BTBD1: variants seen among roughly 807,000 people sequenced by gnomAD.
BTBD1 encodes the protein BTB/POZ domain-containing protein 1.
BTBD1 carries 34 observed loss-of-function variants against 48.0 expected under a neutral mutation model. The ratio of observed to expected loss-of-function variants is 0.71; its 90% CI spans 0.54 to 0.94. The LOEUF is 0.94. Among genes scored for constraint, BTBD1 ranks in the 40% least tolerant of loss-of-function variants. BTBD1 has a pLI of 0.00. For missense variants in BTBD1, 543 were observed against 625.6 expected (o/e 0.87, Z 1.41); for synonymous variants, 261 against 242.1 (o/e 1.08, Z -0.72).
intron 2 of BTBD1, among the ~76,000 whole-genome samples, chr15:83,050,528 G>A (rs1457702866): frequency 6.6e-6 from 1 of 150,880 alleles, no homozygotes; most frequent in African/African-American, 2.4e-5. Context: ...GTTAGATAAG[G>A]CTTACATTAT....
chr15:83,036,473 A>G (rs745759100), intron 4 of BTBD1, among the ~76,000 whole-genome samples: 9 of 152,214 alleles, frequency 5.9e-5, no homozygotes, highest in Admixed American at 2.6e-4. Flanking sequence ...CACTTTGTTG[A>G]TGAGTGTAAA....
intron 5 of BTBD1, among the ~76,000 whole-genome samples, chr15:83,023,145 A>AAT (rs932033621): frequency 6.6e-6 from 1 of 151,962 alleles, no homozygotes; most frequent in South Asian, 2.1e-4. Flanking sequence ...ATCATATCAG[A>AAT]ATATATATAT....
rs544691434 is a variant in BTBD1 at position 83,067,084 on chromosome 15, G to A, written c.68C>T (p.Ala23Val). The A allele has an allele frequency of 2.6e-6, 4 of 1,528,674 alleles. No homozygotes were observed. Among genetic ancestry groups the A allele is most frequent in the Admixed American group, 4.4e-5 (2 of 44,980 alleles). 94.7% of individuals were successfully genotyped at this position (1,528,674 alleles called of 1,614,324 possible). Residue 23 changes from alanine (A) to valine (V), a missense_variant, in exon 1 of 8, where the codon GCG becomes GTG. Physicochemically the swap from Ala to Val is moderately conservative, Grantham distance 64 (BLOSUM62 0). This residue lies in a region of BTBD1 where 173 missense variants were observed against 163.9 expected (regional missense o/e 1.06). Coordinates refer to ENST00000261721, the MANE Select transcript of BTBD1 (RefSeq NM_025238.4). ...ASGAEAEPGP[A>V]GPPPPPSPSS... is the part of the protein sequence containing the mutation. ...CGGTGAGGGCGGCGGCGGCGGCCCC[G>A]CGGGGCCCGGCTCCGCCTCAGCCCC...
chr15:83,016,609 T>C lies in BTBD1; in HGVS notation c.*1458A>G, dbSNP rs2032171411. ...ACTAACTCATCTCTGGCATATCATA[T>C]TTTTTAAGGCAGAAGTATTTTCTGT... On this transcript the variant is annotated 3_prime_UTR_variant, in exon 8 of 8. Coordinates refer to ENST00000261721, the MANE Select transcript of BTBD1 (RefSeq NM_025238.4). The C allele has an allele frequency of 6.6e-6, 1 of 152,124 alleles. No individual in the cohort carries two copies. The highest frequency in any genetic ancestry group is 2.4e-5 in the African/African-American group (1 of 41,436). The allele number at this position is 152,124 out of a possible 1,614,324, so 9.4% of individuals were successfully genotyped here.
intron 1 of BTBD1, among the ~76,000 whole-genome samples, chr15:83,057,168 C>T (rs2033101479): frequency 6.6e-6 from 1 of 152,138 alleles, no homozygotes; most frequent in Non-Finnish European, 1.5e-5. Flanking sequence ...CTATTCCCTG[C>T]ATTTTAATAA....
At chr15:83,036,140 T>A (rs2032624345) in intron 4 of BTBD1, among the ~76,000 whole-genome samples, 1 of 126,100 alleles carries the variant, frequency 7.9e-6, no homozygotes, top group South Asian at 2.4e-4. Context: ...GCTTGATTCC[T>A]CTAAAAGAAA....
rs140000341 is a variant in BTBD1 at position 83,040,824 on chromosome 15, G to A, written c.862+904C>T. 1.5e-3 allele frequency among the ~76,000 whole-genome samples: 226 copies of A among 151,958 alleles called. 2 individuals carry two copies. The Middle Eastern group carries it at 0.02, about 14-fold the overall frequency. ...TGAAAACAGGTCAGAAGTGGTCATG[G>A]AGACTCAAAACAGATCTGTCTGATT... On this transcript the variant is annotated intron_variant, in intron 4 of 7. Coordinates refer to ENST00000261721, the MANE Select transcript of BTBD1 (RefSeq NM_025238.4).
chr15:83,057,155 G>A (rs1419698258), intron 1 of BTBD1, among the ~76,000 whole-genome samples: 1 of 152,184 alleles, frequency 6.6e-6, no homozygotes, highest in Non-Finnish European at 1.5e-5. Flanking sequence ...TAGAAGGAAG[G>A]TGCTATTCCC....
At chr15:83,026,890 G>A (rs1460381270) in intron 5 of BTBD1, among the ~76,000 whole-genome samples, 4 of 152,032 alleles carry the variant, frequency 2.6e-5, no homozygotes, top group African/African-American at 7.2e-5. Context: ...GGAATATACA[G>A]TCAATTCTCA....
At chr15:83,062,294 T>G (rs1235997124) in intron 1 of BTBD1, among the ~76,000 whole-genome samples, 1 of 152,144 alleles carries the variant, frequency 6.6e-6, no homozygotes, top group Non-Finnish European at 1.5e-5. Flanking sequence ...CGCAGTAGTT[T>G]GGTTGAAGCA....
intron 5 of BTBD1, chr15:83,029,433 T>C (rs1002226359): frequency 2.0e-5 from 3 of 152,156 alleles, no homozygotes; most frequent in African/African-American, 7.2e-5. Flanking sequence ...ACTGAGATAC[T>C]TTCCCTGCAA....
rs1386784675 is a variant in BTBD1 at position 83,066,739 on chromosome 15, G to A, written c.401+12C>T. 4 of 1,309,154 alleles carry A rather than the reference G, an allele frequency of 3.1e-6. No homozygotes were observed. In the African/African-American group the frequency reaches 6.5e-5, roughly 21 times the overall value. The allele number at this position is 1,309,154 out of a possible 1,614,324, so 81.1% of individuals were successfully genotyped here. On this transcript the variant is annotated intron_variant, in intron 1 of 7. Transcript: ENST00000261721. Reference sequence around the variant, plus strand: ...CCCGGCCCGGCCCGGCCCGGCCCGCGCTGCCGCTCACCTCAGCAGCGCCAG... The same window carrying A: ...CCCGGCCCGGCCCGGCCCGGCCCGCACTGCCGCTCACCTCAGCAGCGCCAG...
rs929038946 is a variant in BTBD1 at position 83,016,437 on chromosome 15, A to G, written c.*1630T>C. Reference sequence around the variant, plus strand: ...ACATAAAAGAGTTTTTTTTATATATATATATATTTATTTATTTTTAAAAAC... The same window carrying G: ...ACATAAAAGAGTTTTTTTTATATATGTATATATTTATTTATTTTTAAAAAC... On this transcript the variant is annotated 3_prime_UTR_variant, in exon 8 of 8. Transcript: ENST00000261721. 2.6e-5 allele frequency: 4 copies of G among 151,328 alleles called. No individual in the cohort carries two copies. Among genetic ancestry groups the G allele is most frequent in the African/African-American group, 7.2e-5 (3 of 41,418 alleles). The allele number at this position is 151,328 out of a possible 1,614,324, so 9.4% of individuals were successfully genotyped here. A position where few individuals can be genotyped will look rare whatever the true frequency, so the allele number is the denominator to read the frequency against.
chr15:83,062,726 GAC>G (rs528217713), intron 1 of BTBD1, among the ~76,000 whole-genome samples: 2 of 149,238 alleles, frequency 1.3e-5, no homozygotes, highest in Non-Finnish European at 3.0e-5. Flanking sequence ...GAGCTTTGGA[GAC>G]ACATGTGGGG....
chr15:83,018,347 C>T, intron 7 of BTBD1, 122 bp from the exon 8 acceptor site: 2 of 856,094 alleles, frequency 2.3e-6, no homozygotes, highest in South Asian at 3.7e-5. Flanking sequence ...AAATTTTATG[C>T]TGTCATTTAG....
chr15:83,031,449 T>C (rs1294400061), intron 4 of BTBD1, among the ~76,000 whole-genome samples: 2 of 152,096 alleles, frequency 1.3e-5, no homozygotes, highest in Non-Finnish European at 2.9e-5. Context: ...TATGCAGCCA[T>C]AAAAAATGAT....
intron 4 of BTBD1, among the ~76,000 whole-genome samples, chr15:83,037,868 G>T (rs2032659565): frequency 6.6e-6 from 1 of 152,124 alleles, no homozygotes; most frequent in African/African-American, 2.4e-5. Context: ...TGGATCACCT[G>T]AGGTCAGGAG....
chr15:83,035,209 G>A (rs1218297237), intron 4 of BTBD1, among the ~76,000 whole-genome samples: 2 of 152,072 alleles, frequency 1.3e-5, no homozygotes, highest in Non-Finnish European at 2.9e-5. Context: ...CAGGAGAATC[G>A]TTGGACCCCA....
chr15:83,054,763 T>C (rs1396483768), intron 2 of BTBD1, among the ~76,000 whole-genome samples: 3 of 152,082 alleles, frequency 2.0e-5, no homozygotes, highest in African/African-American at 7.2e-5. Flanking sequence ...GGTTTCACCA[T>C]GTTGGCCAGG....
Sources: allele counts gnomAD v4.1 joint callset (sites outside exome capture counted in the v4.1 genomes callset), GRCh38; gene constraint gnomAD v4.1.1; regional missense constraint gnomAD v4.1.1; transcripts MANE v1.5; gene names NCBI Gene and HGNC (gene_info 2026-07-23, HGNC 2026-07-21).